Variants in IFITM1 observed in about 807,000 individuals in gnomAD.
IFITM1 encodes the protein interferon induced transmembrane protein 1.
A neutral mutation model predicts 4.0 loss-of-function variants in IFITM1; 1 was observed. The ratio of observed to expected loss-of-function variants is 0.25; its 90% CI spans 0.09 to 1.18. IFITM1 has a LOEUF of 1.18. Ranked by LOEUF, IFITM1 falls within the 50% of genes most tolerant of loss-of-function variation. The probability of loss-of-function intolerance (pLI) is 0.50; values close to 1 mark genes in which losing one functional copy is unlikely to be tolerated. For missense variants in IFITM1, 131 were observed against 163.2 expected (o/e 0.80, Z 1.08); for synonymous variants, 79 against 69.7 (o/e 1.13, Z -0.67).
Position 314,082 on chromosome 11 carries a change from C to T in IFITM1, c.-89C>T. On this transcript the variant is annotated 5_prime_UTR_variant, in exon 1 of 2. Coordinates refer to ENST00000408968, the MANE Select transcript of IFITM1 (RefSeq NM_003641.5). This position sits in a 1 kb window ranked among gnomAD's most constrained non-coding sequence, Gnocchi z 4.5. ...GAGGTCTCACTGAGCACCGTCCCAG[C>T]ATCCGGACACCACAGCGGCCCTTCG... 12 of 1,135,932 alleles carry T rather than the reference C, an allele frequency of 1.1e-5. No homozygotes were observed. Among genetic ancestry groups the T allele is most frequent in the Non-Finnish European group, 1.6e-5 (12 of 759,466 alleles). The allele number at this position is 1,135,932 out of a possible 1,614,324, so 70.4% of individuals were successfully genotyped here.
In IFITM1 at chr11:314,266, C is replaced by G. The variant is rs761588651; in HGVS notation, c.96C>G (p.Ser32=). The change falls in exon 1 of 2, where the codon TCC becomes TCG. Residue 32 remains serine, a synonymous_variant. Transcript: ENST00000408968. This position sits in a 1 kb window ranked among gnomAD's most constrained non-coding sequence, Gnocchi z 4.5. ...STVINIHSET[S]VPDHVVWSLF... The stretch of plus-strand genomic sequence containing the variant: ...TGATCAACATCCACAGCGAGACCTC[C>G]GTGCCCGACCATGTCGTCTGGTCCC... 1 of 1,613,978 alleles carries G rather than the reference C, an allele frequency of 6.2e-7. No individual in the cohort carries two copies.
At position 314,213 on chromosome 11, in the gene IFITM1, C is replaced by G. The variant is rs759637364; in HGVS notation, c.43C>G (p.Pro15Ala). ...EHEVAVLGPP[P>A]STILPRSTVI... ...TGAGGTGGCTGTGCTGGGGCCACCC[C>G]CCAGCACCATCCTTCCAAGGTCCAC... Residue 15 changes from proline (P) to alanine (A), a missense_variant, in exon 1 of 2, where the codon CCC becomes GCC. By Grantham distance (27) the Pro-to-Ala change is conservative. Transcript: ENST00000408968. This position sits in a 1 kb window ranked among gnomAD's most constrained non-coding sequence, Gnocchi z 4.5. The G allele has an allele frequency of 6.2e-7, 1 of 1,614,056 alleles. No homozygotes were observed. Among genetic ancestry groups the G allele is most frequent in the South Asian group, 1.1e-5 (1 of 91,070 alleles).
In IFITM1 at chr11:314,978, C is replaced by T. The variant is rs1054925265; in HGVS notation, c.243C>T (p.Thr81=). The T allele has an allele frequency of 1.4e-5, 23 of 1,614,008 alleles. No individual in the cohort carries two copies. Among genetic ancestry groups the T allele is most frequent in the Middle Eastern group, 1.7e-4 (1 of 6,016 alleles). Residue 81 remains threonine, a synonymous_variant, in exon 2 of 2, where the codon ACC becomes ACT. Coordinates refer to ENST00000408968, the MANE Select transcript of IFITM1 (RefSeq NM_003641.5). The surrounding 1 kb of genome is among the most constrained non-coding windows in gnomAD (Gnocchi z 4.5). ...DVTGAQAYAS[T]AKCLNIWALI... ...CCGGGGCCCAGGCCTATGCCTCCAC[C>T]GCCAAGTGCCTGAACATCTGGGCCC... is the stretch of plus-strand genomic sequence containing the variant.
chr11:314,148 A>T lies in IFITM1; in HGVS notation c.-23A>T, dbSNP rs374343787. Reference sequence around the variant, plus strand: ...CACACTTCTCAAACCTTCACTCAACACTTCCTTCCCCAAAGCCAGAAGATG... The same window carrying T: ...CACACTTCTCAAACCTTCACTCAACTCTTCCTTCCCCAAAGCCAGAAGATG... On this transcript the variant is annotated 5_prime_UTR_variant, in exon 1 of 2. Coordinates refer to ENST00000408968, the MANE Select transcript of IFITM1 (RefSeq NM_003641.5). This position sits in a 1 kb window ranked among gnomAD's most constrained non-coding sequence, Gnocchi z 4.5. 4 of 1,611,392 alleles carry T rather than the reference A, an allele frequency of 2.5e-6. No individual in the cohort carries two copies. Among genetic ancestry groups the T allele is most frequent in the Non-Finnish European group, 3.4e-6 (4 of 1,178,146 alleles).
At position 314,933 on chromosome 11, in the gene IFITM1, G is replaced by A; in HGVS notation, c.198G>A (p.Arg66=). Residue 66 remains arginine (R), a synonymous_variant, in exon 2 of 2, where the codon AGG becomes AGA. Transcript: ENST00000408968. This position sits in a 1 kb window ranked among gnomAD's most constrained non-coding sequence, Gnocchi z 4.5. The part of the protein sequence containing the change: ...AFAYSVKSRD[R]KMVGDVTGAQ... The stretch of plus-strand genomic sequence containing the variant: ...CTCCTCTCCCCCAGTCTAGGGACAG[G>A]AAGATGGTTGGCGACGTGACCGGGG... 1 of 1,613,186 alleles carries A rather than the reference G, an allele frequency of 6.2e-7. No individual in the cohort carries two copies. The highest frequency in any genetic ancestry group is 8.5e-7 in the Non-Finnish European group (1 of 1,179,958).
rs1464786339 is a variant in IFITM1, at chr11:314,156, C to T, written c.-15C>T. 1 of 1,613,076 alleles carries T rather than the reference C, an allele frequency of 6.2e-7. No individual in the cohort carries two copies. Among genetic ancestry groups the T allele is most frequent in the East Asian group, 2.2e-5 (1 of 44,862 alleles). On this transcript the variant is annotated 5_prime_UTR_variant, in exon 1 of 2. Transcript: ENST00000408968. This position sits in a 1 kb window ranked among gnomAD's most constrained non-coding sequence, Gnocchi z 4.5. Reference sequence around the variant, plus strand: ...TCAAACCTTCACTCAACACTTCCTTCCCCAAAGCCAGAAGATGCACAAGGA... The same window carrying T: ...TCAAACCTTCACTCAACACTTCCTTTCCCAAAGCCAGAAGATGCACAAGGA...
In IFITM1 at chr11:314,045, G is replaced by A. The variant is rs1278277694; in HGVS notation, c.-126G>A. 7 of 730,040 alleles carry A rather than the reference G, an allele frequency of 9.6e-6. No homozygotes were observed. The highest frequency in any genetic ancestry group is 1.6e-5 in the Non-Finnish European group (7 of 425,810). The allele number at this position is 730,040 out of a possible 1,614,324, so 45.2% of individuals were successfully genotyped here. On this transcript the variant is annotated 5_prime_UTR_variant, in exon 1 of 2. Coordinates refer to ENST00000408968, the MANE Select transcript of IFITM1 (RefSeq NM_003641.5). This position sits in a 1 kb window ranked among gnomAD's most constrained non-coding sequence, Gnocchi z 4.5. ...ATACACACTTCTGAGAAACTGAAACGACAGGGGAAAGGAGGTCTCACTGAG... is the reference window on the plus strand; with the variant it reads ...ATACACACTTCTGAGAAACTGAAACAACAGGGGAAAGGAGGTCTCACTGAG...
In IFITM1 at chr11:314,407, C is replaced by T. The variant is rs1404593584; in HGVS notation, c.186+51C>T. 6.2e-7 allele frequency: 1 copy of T among 1,604,278 alleles called. No homozygotes were observed. The highest frequency in any genetic ancestry group is 1.3e-5 in the African/African-American group (1 of 74,760). ...AGGGGGTGCCGGTGAGCCTGGGGCT[C>T]CACCTGCCCACATGCTGCCTGGGGT... On this transcript the variant is annotated intron_variant, in intron 1 of 1. Coordinates refer to ENST00000408968, the MANE Select transcript of IFITM1 (RefSeq NM_003641.5). The surrounding 1 kb of genome is among the most constrained non-coding windows in gnomAD (Gnocchi z 4.5).
rs1009186817 is a variant in IFITM1, at chr11:314,342, G to A, written c.172G>A (p.Ala58Thr). 10 of 1,613,932 alleles carry A rather than the reference G, an allele frequency of 6.2e-6. No individual in the cohort carries two copies. In the South Asian group the frequency reaches 7.7e-5, roughly 12 times the overall value. Residue 58 changes from alanine to threonine, a missense_variant, in exon 1 of 2, where the codon GCC becomes ACC. Ala to Thr is a moderately conservative substitution (Grantham distance 58). Coordinates refer to ENST00000408968, the MANE Select transcript of IFITM1 (RefSeq NM_003641.5). This position sits in a 1 kb window ranked among gnomAD's most constrained non-coding sequence, Gnocchi z 4.5. ...NWCCLGFIAF[A>T]YSVKSRDRKM... ...GTGCTGTCTGGGCTTCATAGCATTC[G>A]CCTACTCCGTGAAGGTGCGTATGGC... is the stretch of plus-strand genomic sequence containing the variant.
In IFITM1 at chr11:314,824, G is replaced by A; in HGVS notation, c.187-98G>A. 6.4e-7 allele frequency: 1 copy of A among 1,557,620 alleles called. No homozygotes were observed. The highest frequency in any genetic ancestry group is 8.8e-7 in the Non-Finnish European group (1 of 1,141,840). ...TCTGAGCCCGGGTGAGGAAGGGGAG[G>A]AGGTGGTCCCTGATCTCAGGGCGGG... On this transcript the variant is annotated intron_variant, in intron 1 of 1. Transcript: ENST00000408968. The surrounding 1 kb of genome is among the most constrained non-coding windows in gnomAD (Gnocchi z 4.5).
rs1488121896 is a variant in IFITM1, at chr11:314,611, T to C, written c.186+255T>C. On this transcript the variant is annotated intron_variant, in intron 1 of 1. Coordinates refer to ENST00000408968, the MANE Select transcript of IFITM1 (RefSeq NM_003641.5). The surrounding 1 kb of genome is among the most constrained non-coding windows in gnomAD (Gnocchi z 4.5). ...GGCTGGCTCAGAGTCTGTCCCTGGC[T>C]ATCCATTAGCCCAGAGCAATTCTCC... Among the ~76,000 whole-genome samples the C allele has an allele frequency of 1.3e-5, 2 of 152,206 alleles. No homozygotes were observed. The highest frequency in any genetic ancestry group is 1.3e-4 in the Admixed American group (2 of 15,292).
Position 315,226 on chromosome 11 carries a change from C to A in IFITM1, c.*113C>A. 1.1e-6 allele frequency: 1 copy of A among 943,470 alleles called. No individual in the cohort carries two copies. The highest frequency in any genetic ancestry group is 2.4e-5 in the East Asian group (1 of 41,152). The allele number at this position is 943,470 out of a possible 1,614,324, so 58.4% of individuals were successfully genotyped here. A position where few individuals can be genotyped will look rare whatever the true frequency, so the allele number is the denominator to read the frequency against. ...GCCCCTAGATACAGCAGTTTATACC[C>A]ACACACCTGTCTACAGTGTCATTCA... is the stretch of plus-strand genomic sequence containing the variant. On this transcript the variant is annotated 3_prime_UTR_variant, in exon 2 of 2. Transcript: ENST00000408968.
Position 314,233 on chromosome 11 carries a change from G to C in IFITM1, c.63G>C (p.Arg21Ser). Residue 21 changes from arginine (R) to serine (S), a missense_variant, in exon 1 of 2, where the codon AGG becomes AGC. By Grantham distance (110) the Arg-to-Ser change is moderately radical. Transcript: ENST00000408968. This position sits in a 1 kb window ranked among gnomAD's most constrained non-coding sequence, Gnocchi z 4.5. Reference sequence around the variant, plus strand: ...CACCCCCCAGCACCATCCTTCCAAGGTCCACCGTGATCAACATCCACAGCG... The same window carrying C: ...CACCCCCCAGCACCATCCTTCCAAGCTCCACCGTGATCAACATCCACAGCG... ...LGPPPSTILP[R>S]STVINIHSET... 9 of 1,613,866 alleles carry C rather than the reference G, an allele frequency of 5.6e-6. No individual in the cohort carries two copies. Among genetic ancestry groups the C allele is most frequent in the Non-Finnish European group, 7.6e-6 (9 of 1,179,878 alleles).
At position 314,125 on chromosome 11, in the gene IFITM1, C is replaced by T. The variant is rs771269705; in HGVS notation, c.-46C>T. On this transcript the variant is annotated 5_prime_UTR_variant, in exon 1 of 2. Transcript: ENST00000408968. The surrounding 1 kb of genome is among the most constrained non-coding windows in gnomAD (Gnocchi z 4.5). ...GCCCTTCGCTCCACGCAGAAAACCA[C>T]ACTTCTCAAACCTTCACTCAACACT... 3 of 1,584,148 alleles carry T rather than the reference C, an allele frequency of 1.9e-6. No homozygotes were observed. Among genetic ancestry groups the T allele is most frequent in the South Asian group, 2.2e-5 (2 of 90,318 alleles).
chr11:314,114 G>T lies in IFITM1; in HGVS notation c.-57G>T, dbSNP rs1236140675. 6.5e-7 allele frequency: 1 copy of T among 1,540,630 alleles called. No individual in the cohort carries two copies. Among genetic ancestry groups the T allele is most frequent in the East Asian group, 2.3e-5 (1 of 44,250 alleles). ...ACACCACAGCGGCCCTTCGCTCCAC[G>T]CAGAAAACCACACTTCTCAAACCTT... On this transcript the variant is annotated 5_prime_UTR_variant, in exon 1 of 2. Coordinates refer to ENST00000408968, the MANE Select transcript of IFITM1 (RefSeq NM_003641.5). This position sits in a 1 kb window ranked among gnomAD's most constrained non-coding sequence, Gnocchi z 4.5.
Position 314,333 on chromosome 11 carries a change from A to G in IFITM1, c.163A>G (p.Ile55Val). The G allele has an allele frequency of 6.2e-7, 1 of 1,613,942 alleles. No homozygotes were observed. The highest frequency in any genetic ancestry group is 8.5e-7 in the Non-Finnish European group (1 of 1,179,842). ...CTTGAACTGGTGCTGTCTGGGCTTC[A>G]TAGCATTCGCCTACTCCGTGAAGGT... ...LFLNWCCLGF[I>V]AFAYSVKSRD... The change falls in exon 1 of 2, where the codon ATA becomes GTA. Residue 55 changes from isoleucine to valine, a missense_variant. Physicochemically the swap from Ile to Val is conservative, Grantham distance 29. Coordinates refer to ENST00000408968, the MANE Select transcript of IFITM1 (RefSeq NM_003641.5). This position sits in a 1 kb window ranked among gnomAD's most constrained non-coding sequence, Gnocchi z 4.5.
chr11:314,206 G>A lies in IFITM1; in HGVS notation c.36G>A (p.Gly12=). The A allele has an allele frequency of 2.5e-6, 4 of 1,613,554 alleles. No homozygotes were observed. Among genetic ancestry groups the A allele is most frequent in the East Asian group, 4.5e-5 (2 of 44,862 alleles). The change falls in exon 1 of 2, where the codon GGG becomes GGA. Residue 12 remains glycine (G), a synonymous_variant. Transcript: ENST00000408968. This position sits in a 1 kb window ranked among gnomAD's most constrained non-coding sequence, Gnocchi z 4.5. ...AGGAACATGAGGTGGCTGTGCTGGG[G>A]CCACCCCCCAGCACCATCCTTCCAA... is the stretch of plus-strand genomic sequence containing the variant. ...HKEEHEVAVL[G]PPPSTILPRS...
At position 315,178 on chromosome 11, in the gene IFITM1, G is replaced by T. The variant is rs558828276; in HGVS notation, c.*65G>T. On this transcript the variant is annotated 3_prime_UTR_variant, in exon 2 of 2. Transcript: ENST00000408968. ...AATGCTGGCCCTGCACGCTGGGGCTGTTGCCCCTGCCCCCTTGGTCCTGCC... is the reference window on the plus strand; with the variant it reads ...AATGCTGGCCCTGCACGCTGGGGCTTTTGCCCCTGCCCCCTTGGTCCTGCC... The T allele has an allele frequency of 1.4e-5, 21 of 1,502,478 alleles. No homozygotes were observed. Among genetic ancestry groups the T allele is most frequent in the Non-Finnish European group, 1.9e-5 (21 of 1,086,848 alleles). The allele number at this position is 1,502,478 out of a possible 1,614,324, so 93.1% of individuals were successfully genotyped here.
rs1846030411 is a variant in IFITM1 at position 314,170 on chromosome 11, G to T, written c.-1G>T. The T allele has an allele frequency of 1.2e-6, 2 of 1,613,644 alleles. No homozygotes were observed. Among genetic ancestry groups the T allele is most frequent in the Admixed American group, 3.3e-5 (2 of 59,998 alleles). On this transcript the variant is annotated 5_prime_UTR_variant, in exon 1 of 2. Coordinates refer to ENST00000408968, the MANE Select transcript of IFITM1 (RefSeq NM_003641.5). The surrounding 1 kb of genome is among the most constrained non-coding windows in gnomAD (Gnocchi z 4.5). ...AACACTTCCTTCCCCAAAGCCAGAA[G>T]ATGCACAAGGAGGAACATGAGGTGG...
Sources: allele counts gnomAD v4.1 joint callset (sites outside exome capture counted in the v4.1 genomes callset), GRCh38; gene constraint gnomAD v4.1.1; non-coding constraint Gnocchi (gnomAD v3.1); transcripts MANE v1.5; gene names NCBI Gene and HGNC (gene_info 2026-07-23, HGNC 2026-07-21).